The following TLL1 variants were observed in gnomAD, a reference collection of about 807,000 sequenced individuals.
TLL1 encodes tolloid-like protein 1.
A neutral mutation model predicts 128.2 loss-of-function variants in TLL1; 49 were observed. That is an observed-to-expected ratio of 0.38 (90% CI 0.30 to 0.48). The LOEUF (loss-of-function observed/expected upper bound fraction) is 0.48, where lower values mean the gene tolerates loss of function less well. TLL1 is among the 20% of genes least tolerant of loss of function. TLL1 has a pLI of 0.96. For missense variants in TLL1, 1,123 were observed against 1,242.0 expected, an observed-to-expected ratio of 0.90 and a Z score of 1.44; for synonymous variants, 454 against 418.8, an observed-to-expected ratio of 1.08 and a Z score of -1.03.
At chr4:165,933,999 C>T (rs1317808704) in intron 1 of TLL1, among the ~76,000 whole-genome samples, 3 of 151,808 alleles carry the variant, frequency 2.0e-5, no homozygotes, top group South Asian at 4.2e-4. Context: ...GACGTTCATC[C>T]TCTCTTTCTT....
chr4:165,905,938 A>G (rs903853281), intron 1 of TLL1, among the ~76,000 whole-genome samples: 2 of 152,152 alleles, frequency 1.3e-5, no homozygotes, highest in Non-Finnish European at 2.9e-5. Flanking sequence ...ATTACGTTCT[A>G]GGAATGATTC....
At chr4:165,908,355 C>G (rs1732367955) in intron 1 of TLL1, among the ~76,000 whole-genome samples, 1 of 151,944 alleles carries the variant, frequency 6.6e-6, no homozygotes, top group Non-Finnish European at 1.5e-5. Flanking sequence ...TTTGGGAGGC[C>G]AAGGCAGGAG....
At chr4:165,877,800 A>G (rs575037432) in intron 1 of TLL1, among the ~76,000 whole-genome samples, 1 of 94,528 alleles carries the variant, frequency 1.1e-5, no homozygotes, top group Admixed American at 1.1e-4. Context: ...CTTTTTTTGT[A>G]TTTACGGGAA....
chr4:165,999,687 T>A (rs112712783), intron 5 of TLL1, among the ~76,000 whole-genome samples: 2,398 of 151,924 alleles, frequency 0.016, 63 homozygotes, highest in African/African-American at 0.055. Flanking sequence ...TTGCCCAGGC[T>A]GGTCTCAAAC....
intron 9 of TLL1, among the ~76,000 whole-genome samples, chr4:166,033,179 A>T (rs1738850796): frequency 6.6e-6 from 1 of 152,132 alleles, no homozygotes; most frequent in South Asian, 2.1e-4. Flanking sequence ...CACTTTACAA[A>T]ATGTACCTGC....
chr4:166,094,171 A>G (rs1414083782), intron 19 of TLL1, among the ~76,000 whole-genome samples: 3 of 152,142 alleles, frequency 2.0e-5, no homozygotes, highest in African/African-American at 7.2e-5. Context: ...TGAATCCTCA[A>G]AAGAACTGTA....
At chr4:165,998,637 C>CA (rs1317015148) in intron 5 of TLL1, among the ~76,000 whole-genome samples, 140 of 147,894 alleles carry the variant, frequency 9.5e-4, no homozygotes, top group Middle Eastern at 3.5e-3. Context: ...ACTAAAAATA[C>CA]AAAAAAAAAA....
chr4:166,099,490 C>T lies in TLL1; in HGVS notation c.2870C>T (p.Ser957Leu). The T allele has an allele frequency of 1.2e-6, 2 of 1,613,410 alleles. No homozygotes were observed. The highest frequency in any genetic ancestry group is 1.7e-6 in the Non-Finnish European group (2 of 1,179,614). Reference protein sequence around the residue: ...DYVELFDGLDSTAVGLGRFCG... With the variant: ...DYVELFDGLDLTAVGLGRFCG... ...GTGGAGCTCTTTGATGGTCTTGATT[C>T]AACAGCTGTGGGGCTTGGTCGATTC... The change falls in exon 20 of 21, where the codon TCA (serine) becomes TTA (leucine). Residue 957 changes from serine to leucine, a missense_variant. By Grantham distance (145) the Ser-to-Leu change is moderately radical (BLOSUM62 -2). This residue lies in a region of TLL1 where 634 missense variants were observed against 672.4 expected (regional missense o/e 0.94). Coordinates refer to ENST00000061240, the MANE Select transcript of TLL1 (RefSeq NM_012464.5).
chr4:166,089,925 C>G (rs943772313), intron 18 of TLL1, among the ~76,000 whole-genome samples: 1 of 151,998 alleles, frequency 6.6e-6, no homozygotes, highest in African/African-American at 2.4e-5. Context: ...TTTCCTCACT[C>G]CTCCGAAGTC....
chr4:166,003,569 G>C lies in TLL1; in HGVS notation c.811G>C (p.Gly271Arg), dbSNP rs1235666475. The C allele has an allele frequency of 6.2e-7, 1 of 1,613,838 alleles. No homozygotes were observed. Among genetic ancestry groups the C allele is most frequent in the Non-Finnish European group, 8.5e-7 (1 of 1,179,804 alleles). Residue 271 changes from glycine (G) to arginine (R), a missense_variant and splice_region_variant, in exon 6 of 21, where the codon GGT becomes CGT. Coordinates refer to ENST00000061240, the MANE Select transcript of TLL1 (RefSeq NM_012464.5). Reference sequence around the variant, plus strand: ...TATCATAAGAGAAAACATCCAGCCAGGTGAGAGGCATAGAATGTGTTGGGT... The same window carrying C: ...TATCATAAGAGAAAACATCCAGCCACGTGAGAGGCATAGAATGTGTTGGGT... ...VTIIRENIQP[G>R]QEYNFLKMEP...
At chr4:165,877,904 T>C (rs1450202552) in intron 1 of TLL1, among the ~76,000 whole-genome samples, 2 of 152,110 alleles carry the variant, frequency 1.3e-5, no homozygotes, top group African/African-American at 4.8e-5. Context: ...GGTATAGAAT[T>C]GGTGGAGTAA....
At chr4:165,926,518 A>T (rs1295686495) in intron 1 of TLL1, among the ~76,000 whole-genome samples, 1 of 152,108 alleles carries the variant, frequency 6.6e-6, no homozygotes, top group Admixed American at 6.6e-5. Context: ...AGGAAATGGG[A>T]TACTACTCTG....
At chr4:166,099,749 A>G (rs10517875) in intron 20 of TLL1, among the ~76,000 whole-genome samples, 7,884 of 152,152 alleles carry the variant, frequency 0.052, 280 homozygotes, top group East Asian at 0.18. Flanking sequence ...GAAACCGATG[A>G]AATCAGTAGG....
intron 1 of TLL1, among the ~76,000 whole-genome samples, chr4:165,916,769 A>G (rs982314764): frequency 1.3e-5 from 2 of 152,184 alleles, no homozygotes; most frequent in Non-Finnish European, 2.9e-5. Flanking sequence ...TCTAGTACCA[A>G]AAAATCTTCA....
At chr4:165,924,260 A>G (rs1222026391) in intron 1 of TLL1, among the ~76,000 whole-genome samples, 1 of 152,208 alleles carries the variant, frequency 6.6e-6, no homozygotes, top group Non-Finnish European at 1.5e-5. Flanking sequence ...ATAGGCCAAG[A>G]GCGAGGCTTC....
intron 9 of TLL1, chr4:166,030,908 A>G: frequency 2.0e-6 from 2 of 983,394 alleles, no homozygotes; most frequent in Non-Finnish European, 2.4e-6. Context: ...GTTTCACTGG[A>G]TATAGTTGGC....
intron 7 of TLL1, among the ~76,000 whole-genome samples, chr4:166,012,624 T>C (rs868855443): frequency 4.0e-5 from 6 of 151,730 alleles, no homozygotes; most frequent in Non-Finnish European, 8.9e-5. Flanking sequence ...TTAATGTATC[T>C]GTTGACTCAT....
chr4:165,961,556 C>G (rs1385923559), intron 1 of TLL1, among the ~76,000 whole-genome samples: 1 of 152,152 alleles, frequency 6.6e-6, no homozygotes, highest in Non-Finnish European at 1.5e-5. Context: ...ATCACATTAC[C>G]TGACTTTGAA....
intron 17 of TLL1, 40 bp from the exon 18 acceptor site, chr4:166,077,863 T>C (rs80176116): frequency 0.013 from 21,082 of 1,611,640 alleles, 184 homozygotes; most frequent in Middle Eastern, 0.021. Flanking sequence ...AAACCTGGGC[T>C]GGATTGCCAC....
Sources: allele counts gnomAD v4.1 joint callset (sites outside exome capture counted in the v4.1 genomes callset), GRCh38; gene constraint gnomAD v4.1.1; regional missense constraint gnomAD v4.1.1; transcripts MANE v1.5; gene names NCBI Gene and HGNC (gene_info 2026-07-23, HGNC 2026-07-21).